Variants in VAC14 observed in about 807,000 individuals in gnomAD.
VAC14 encodes the protein VAC14 component of PIKFYVE complex, also known as protein VAC14 homolog.
In VAC14, 47 loss-of-function variants were observed where a neutral mutation model predicts 85.3. The observed-to-expected ratio is 0.55, with a 90% CI of 0.44 to 0.70. VAC14 has a LOEUF of 0.70. VAC14 is among the 30% of genes least tolerant of loss of function. The pLI is 0.00. For missense variants in VAC14, 861 were observed against 1,004.3 expected, an observed-to-expected ratio of 0.86 and a Z score of 1.93; for synonymous variants, 447 against 430.5, an observed-to-expected ratio of 1.04 and a Z score of -0.47.
At position 70,692,848 on chromosome 16, in the gene VAC14, A is replaced by ACGCACTGGAGC; in HGVS notation, c.2148_2158dup (p.Val720GlyfsTer17). 6.2e-7 allele frequency: 1 copy of ACGCACTGGAGC among 1,602,618 alleles called. No individual in the cohort carries two copies. The highest frequency in any genetic ancestry group is 8.5e-7 in the Non-Finnish European group (1 of 1,176,526). On this transcript the variant is annotated frameshift_variant, in exon 18 of 19. Transcript: ENST00000261776. LOFTEE classifies it high-confidence loss of function. The stretch of plus-strand genomic sequence containing the variant: ...GGTCTGCAGCAGCTCAGGGTTGGGC[A>ACGCACTGGAGC]CGCACTGGAGCCGGTGCGAGAGCAG...
In VAC14 at chr16:70,762,690, G is replaced by A. The variant is rs550492344; in HGVS notation, c.1306-85C>T. 7.6e-5 allele frequency: 116 copies of A among 1,519,242 alleles called. No homozygotes were observed. The Middle Eastern group carries it at 8.8e-4, about 11-fold the overall frequency. 94.1% of individuals were successfully genotyped at this position (1,519,242 alleles called of 1,614,324 possible). A position where few individuals can be genotyped will look rare whatever the true frequency, so the allele number is the denominator to read the frequency against. On this transcript the variant is annotated intron_variant, in intron 11 of 18. Coordinates refer to ENST00000261776, the MANE Select transcript of VAC14 (RefSeq NM_018052.5). This position sits in a 1 kb window ranked among gnomAD's most constrained non-coding sequence, Gnocchi z 4.1. ...AGTGCAGTGTCCCGCTGGTGTGCAC[G>A]GACCCACTGGTCTGCACGGACCACT...
chr16:70,775,913 G>A (rs2033492740), intron 9 of VAC14, among the ~76,000 whole-genome samples: 1 of 152,146 alleles, frequency 6.6e-6, no homozygotes, highest in African/African-American at 2.4e-5. Flanking sequence ...TATTTTAATA[G>A]GTATTGTCCT....
intron 12 of VAC14, among the ~76,000 whole-genome samples, chr16:70,746,743 G>A (rs749888077): frequency 4.6e-5 from 7 of 152,188 alleles, no homozygotes; most frequent in Non-Finnish European, 7.3e-5. Context: ...GAATGACGCC[G>A]CGGTCCTGCC....
chr16:70,690,407 G>A, intron 18 of VAC14: 1 of 985,626 alleles, frequency 1.0e-6, no homozygotes, highest in Non-Finnish European at 1.2e-6. Context: ...AGGCCAGCCA[G>A]CCCACAGCAC....
intron 12 of VAC14, among the ~76,000 whole-genome samples, chr16:70,746,823 G>A (rs1185798313): frequency 6.6e-6 from 1 of 152,136 alleles, no homozygotes; most frequent in African/African-American, 2.4e-5. Flanking sequence ...TTGCTGGACT[G>A]TCCAAGCACG....
At chr16:70,726,823 C>T (rs1419099221) in intron 14 of VAC14, among the ~76,000 whole-genome samples, 1 of 152,194 alleles carries the variant, frequency 6.6e-6, no homozygotes, top group Middle Eastern at 3.2e-3. Flanking sequence ...AAGCCACTGG[C>T]TTCACCTTGA....
intron 1 of VAC14, 115 bp downstream of exon 1, chr16:70,800,682 G>A (rs2034753218): frequency 3.6e-6 from 3 of 829,472 alleles, no homozygotes; most frequent in South Asian, 1.6e-5. Flanking sequence ...ACTGCGCTAA[G>A]GTAAGGGCCT....
rs774847508 is a variant in VAC14 at position 70,692,772 on chromosome 16, C to CCT, written c.2186+47_2186+48dup. 1.4e-4 allele frequency: 215 copies of CCT among 1,567,896 alleles called. 1 individual carries two copies. The highest frequency in any genetic ancestry group is 1.1e-4 in the Admixed American group (6 of 52,280). On this transcript the variant is annotated intron_variant, in intron 18 of 18. Transcript: ENST00000261776. The stretch of plus-strand genomic sequence containing the variant: ...CCCTTCCTCACCAGGCTCCTCTGGG[C>CCT]CTGTCCCTGCTCAGGGGGCGGGGGC...
rs1597845676 is a variant in VAC14, at chr16:70,692,680, T to C, written c.2186+141A>G. 7 of 1,114,324 alleles carry C rather than the reference T, an allele frequency of 6.3e-6. No individual in the cohort carries two copies. The East Asian group carries it at 1.8e-4, about 29-fold the overall frequency. The allele number at this position is 1,114,324 out of a possible 1,614,324, so 69.0% of individuals were successfully genotyped here. On this transcript the variant is annotated intron_variant, in intron 18 of 18. Transcript: ENST00000261776. ...AAGGGGCAAGTGGCTGCGGGGGGGA[T>C]GGTGGTCACAGTGACAAAAGGGGTG... is the stretch of plus-strand genomic sequence containing the variant.
intron 12 of VAC14, among the ~76,000 whole-genome samples, chr16:70,751,099 A>G (rs2031350711): frequency 1.3e-5 from 2 of 152,170 alleles, no homozygotes; most frequent in Admixed American, 1.3e-4. Context: ...ATGGACGGAG[A>G]GGCCGCCCAC....
At chr16:70,727,709 A>G (rs1423179622) in intron 14 of VAC14, among the ~76,000 whole-genome samples, 1 of 152,032 alleles carries the variant, frequency 6.6e-6, no homozygotes, top group African/African-American at 2.4e-5. Flanking sequence ...GCAGGTGGAT[A>G]CCCCCCTCCA....
At chr16:70,793,432 C>T (rs1023511021) in intron 1 of VAC14, among the ~76,000 whole-genome samples, 6 of 152,246 alleles carry the variant, frequency 3.9e-5, no homozygotes, top group Non-Finnish European at 8.8e-5. Flanking sequence ...AAGAAATATA[C>T]ACAAAGTCAT....
chr16:70,692,992 G>T, intron 17 of VAC14, 21 bp from the exon 18 acceptor site: 1 of 1,605,030 alleles, frequency 6.2e-7, no homozygotes, highest in East Asian at 2.2e-5. Flanking sequence ...CAGAGGGCAG[G>T]GGTCAGGGAC....
intron 14 of VAC14, among the ~76,000 whole-genome samples, chr16:70,717,834 A>G (rs539252054): frequency 1.3e-5 from 2 of 152,094 alleles, no homozygotes; most frequent in South Asian, 4.2e-4. Flanking sequence ...CTTTTTTTGT[A>G]GGGCGGCAAG....
At chr16:70,784,313 A>G in intron 4 of VAC14, 93 bp from the exon 5 acceptor site, 1 of 1,001,298 alleles carries the variant, frequency 1.0e-6, no homozygotes, top group Non-Finnish European at 1.5e-6. Context: ...TCCAGCGCTC[A>G]GGCGGCCACC....
intron 1 of VAC14, among the ~76,000 whole-genome samples, chr16:70,795,231 C>G (rs758569798): frequency 2.0e-5 from 3 of 152,166 alleles, no homozygotes; most frequent in Admixed American, 2.0e-4. Context: ...CTTTGGGAGG[C>G]TGAGGCGGGT....
chr16:70,746,618 T>C (rs1461333320), intron 12 of VAC14, among the ~76,000 whole-genome samples: 1 of 152,116 alleles, frequency 6.6e-6, no homozygotes, highest in Non-Finnish European at 1.5e-5. Flanking sequence ...AGCCTAGAAG[T>C]AGGGAGGGCC....
At chr16:70,723,973 G>A (rs2142999636) in intron 14 of VAC14, among the ~76,000 whole-genome samples, 1 of 152,204 alleles carries the variant, frequency 6.6e-6, no homozygotes, top group South Asian at 2.1e-4. Flanking sequence ...GTGGGGACAG[G>A]GGTCACCCTG....
At chr16:70,792,710 T>C (rs545081094) in intron 1 of VAC14, among the ~76,000 whole-genome samples, 1 of 152,284 alleles carries the variant, frequency 6.6e-6, no homozygotes, top group Admixed American at 6.5e-5. Flanking sequence ...TGGACTTTCA[T>C]GAGCCAAGGG....
Sources: gnomAD v4.1 joint callset for allele counts (sites outside exome capture counted in the v4.1 genomes callset) on GRCh38, gnomAD v4.1.1 for gene constraint, Gnocchi (gnomAD v3.1) non-coding constraint, MANE v1.5 for transcripts, NCBI Gene and HGNC (gene_info 2026-07-23, HGNC 2026-07-21) for gene names.